The following MRPS28 variants were observed in gnomAD, a reference collection of about 807,000 sequenced individuals.
MRPS28 encodes mitochondrial ribosomal protein S28.
MRPS28 carries 7 observed loss-of-function variants against 10.8 expected under a neutral mutation model. That is an observed-to-expected ratio of 0.65 (90% CI 0.37 to 1.22). MRPS28 has a LOEUF of 1.22. MRPS28 is among the 50% of genes most tolerant of loss of function. The pLI, the probability that MRPS28 is intolerant of heterozygous loss-of-function variation, is 0.02. For synonymous variants in MRPS28, 121 were observed against 93.3 expected (o/e 1.30, Z -1.71); for missense variants, 265 against 232.9 (o/e 1.14, Z -0.90).
chr8:79,993,732 T>C (rs975954167), intron 2 of MRPS28, among the ~76,000 whole-genome samples: 3 of 152,212 alleles, frequency 2.0e-5, no homozygotes, highest in Non-Finnish European at 4.4e-5. Flanking sequence ...TGCATGCTTT[T>C]TTAATGTGTT....
intron 2 of MRPS28, among the ~76,000 whole-genome samples, chr8:79,929,552 A>G (rs1416786006): frequency 6.6e-6 from 1 of 152,148 alleles, no homozygotes; most frequent in Non-Finnish European, 1.5e-5. Flanking sequence ...CTGAATTTGC[A>G]AGGGTTTAAT....
chr8:79,932,504 G>A (rs895017852), intron 2 of MRPS28, among the ~76,000 whole-genome samples: 1 of 152,160 alleles, frequency 6.6e-6, no homozygotes, highest in Admixed American at 6.5e-5. Context: ...GGCAGGACTC[G>A]CAGGTCAGAC....
intron 2 of MRPS28, among the ~76,000 whole-genome samples, chr8:79,975,214 T>C (rs35039735): frequency 0.58 from 88,411 of 151,970 alleles, 28,445 homozygotes; most frequent in East Asian, 0.79. Flanking sequence ...GGAGAATCAC[T>C]TGAGCTTGGG....
At chr8:79,943,120 C>A (rs1806812889) in intron 2 of MRPS28, among the ~76,000 whole-genome samples, 1 of 152,202 alleles carries the variant, frequency 6.6e-6, no homozygotes, top group Non-Finnish European at 1.5e-5. Flanking sequence ...TGAAGTCAGT[C>A]CAGCAGCTGC....
chr8:79,924,472 T>C (rs1392067891), intron 2 of MRPS28, among the ~76,000 whole-genome samples: 1 of 152,204 alleles, frequency 6.6e-6, no homozygotes, highest in Admixed American at 6.5e-5. Context: ...GTGTGTATTT[T>C]CTTCTTTAAA....
chr8:80,003,339 C>G (rs1302747580), intron 1 of MRPS28, among the ~76,000 whole-genome samples, 159 bp from the exon 2 acceptor site: 1 of 152,192 alleles, frequency 6.6e-6, no homozygotes, highest in Non-Finnish European at 1.5e-5. Context: ...ACTTCCTCTT[C>G]CATCCTTTCC....
At chr8:79,957,979 A>G (rs1807272931) in intron 2 of MRPS28, 2 of 158,474 alleles carry the variant, frequency 1.3e-5, no homozygotes, top group Admixed American at 1.3e-4. Context: ...ACTATTCTAA[A>G]GTGGTATACT....
intron 1 of MRPS28, among the ~76,000 whole-genome samples, chr8:80,005,236 G>C (rs1563540151): frequency 1.3e-5 from 2 of 152,272 alleles, no homozygotes; most frequent in Non-Finnish European, 2.9e-5. Flanking sequence ...CAGCCAGAGA[G>C]AAAGGTCAGG....
intron 2 of MRPS28, among the ~76,000 whole-genome samples, chr8:79,924,586 G>A (rs55786920): frequency 0.015 from 2,335 of 152,178 alleles, 73 homozygotes; most frequent in African/African-American, 0.051. Context: ...TTAAACAATT[G>A]TATCAATTAC....
chr8:80,005,452 C>A (rs560067471), intron 1 of MRPS28, among the ~76,000 whole-genome samples: 1 of 152,110 alleles, frequency 6.6e-6, no homozygotes, highest in Non-Finnish European at 1.5e-5. Flanking sequence ...ATTTTGTCAC[C>A]ACCAGGCCTG....
At chr8:80,016,480 T>C (rs565558676) in intron 1 of MRPS28, among the ~76,000 whole-genome samples, 35 of 151,620 alleles carry the variant, frequency 2.3e-4, no homozygotes, top group South Asian at 1.0e-3. Flanking sequence ...TGAAGGAGAA[T>C]TAAAGACTTT....
chr8:79,983,015 G>A (rs1808018719), intron 2 of MRPS28, among the ~76,000 whole-genome samples: 1 of 140,656 alleles, frequency 7.1e-6, no homozygotes. Flanking sequence ...CTAACTGGGA[G>A]GCACCCCCCA....
At chr8:79,974,802 C>T (rs1054442655) in intron 2 of MRPS28, among the ~76,000 whole-genome samples, 2 of 151,904 alleles carry the variant, frequency 1.3e-5, no homozygotes, top group African/African-American at 4.8e-5. Context: ...CTAAGTGTCA[C>T]CTGGCCAATA....
intron 2 of MRPS28, among the ~76,000 whole-genome samples, chr8:79,990,790 C>T (rs1327598994): frequency 6.6e-6 from 1 of 150,378 alleles, no homozygotes; most frequent in Non-Finnish European, 1.5e-5. Flanking sequence ...GAGATTGAGA[C>T]CATCCTGGCC....
At chr8:79,969,092 A>T (rs1807568935) in intron 2 of MRPS28, among the ~76,000 whole-genome samples, 1 of 152,196 alleles carries the variant, frequency 6.6e-6, no homozygotes, top group South Asian at 2.1e-4. Context: ...TTTAAGAGTT[A>T]TTCCTGTCCC....
intron 2 of MRPS28, among the ~76,000 whole-genome samples, chr8:79,990,331 A>G (rs962354225): frequency 6.6e-6 from 1 of 152,126 alleles, no homozygotes; most frequent in African/African-American, 2.4e-5. Flanking sequence ...TTCTCTGAAC[A>G]GGCTCTTCTA....
At chr8:79,951,995 T>C (rs1221622904) in intron 2 of MRPS28, among the ~76,000 whole-genome samples, 1 of 152,222 alleles carries the variant, frequency 6.6e-6, no homozygotes, top group African/African-American at 2.4e-5. Flanking sequence ...TAGAGTTTTC[T>C]GTCAATTGCA....
At chr8:79,998,032 G>A (rs1484502181) in intron 2 of MRPS28, among the ~76,000 whole-genome samples, 2 of 148,520 alleles carry the variant, frequency 1.3e-5, no homozygotes, top group Admixed American at 1.4e-4. Flanking sequence ...TCCAGCCTGG[G>A]TGACAGAACA....
At chr8:79,933,514 T>C (rs1439833165) in intron 2 of MRPS28, among the ~76,000 whole-genome samples, 1 of 152,222 alleles carries the variant, frequency 6.6e-6, no homozygotes, top group Non-Finnish European at 1.5e-5. Context: ...GGTCTTATTA[T>C]CATATGAATG....
Sources: gnomAD v4.1 joint callset for allele counts (sites outside exome capture counted in the v4.1 genomes callset) on GRCh38, gnomAD v4.1.1 for gene constraint, MANE v1.5 for transcripts, NCBI Gene and HGNC (gene_info 2026-07-23, HGNC 2026-07-21) for gene names.